The following ETFA variants were observed in gnomAD, a reference collection of about 807,000 sequenced individuals.
The protein encoded by ETFA is electron transfer flavoprotein subunit alpha.
Under a neutral mutation model 46.2 loss-of-function variants are expected in ETFA, and 22 were observed. The observed-to-expected ratio is 0.48, with a 90% CI of 0.34 to 0.68. ETFA has a LOEUF of 0.68. Ranked by LOEUF, ETFA falls within the 30% of genes least tolerant of loss-of-function variation. The pLI, the probability that ETFA is intolerant of heterozygous loss-of-function variation, is 0.01. For synonymous variants in ETFA, 131 were observed against 139.9 expected (o/e 0.94, Z 0.45); for missense variants, 345 against 401.1 (o/e 0.86, Z 1.19).
chr15:76,261,576 C>A, intron 9 of ETFA: 1 of 548,294 alleles, frequency 1.8e-6, no homozygotes. Flanking sequence ...TCAGACCTGC[C>A]TGCAGCTGCG....
At chr15:76,259,728 G>A (rs1293120036) in intron 9 of ETFA, 5 of 1,481,064 alleles carry the variant, frequency 3.4e-6, no homozygotes, top group East Asian at 2.3e-5. Flanking sequence ...TCCCCTGCCA[G>A]CATGCAGTTC....
At chr15:76,240,066 GTTTC>G (rs1181130281) in intron 9 of ETFA, among the ~76,000 whole-genome samples, 5 of 152,184 alleles carry the variant, frequency 3.3e-5, no homozygotes, top group African/African-American at 9.6e-5. Flanking sequence ...TGTTGATGAT[GTTTC>G]TTTCTTTTAA....
chr15:76,264,826 T>C (rs548247848), intron 9 of ETFA, among the ~76,000 whole-genome samples: 3 of 152,330 alleles, frequency 2.0e-5, no homozygotes, highest in South Asian at 4.1e-4. Flanking sequence ...TGTGGGCAAT[T>C]TGGACACACA....
intron 4 of ETFA, among the ~76,000 whole-genome samples, chr15:76,290,333 CTTTTTTT>C (rs10682432): frequency 1.0e-5 from 1 of 97,140 alleles, no homozygotes; most frequent in East Asian, 2.9e-4. Context: ...AGTCGCTACT[CTTTTTTT>C]TTTTTTTTTT....
At chr15:76,217,997 GCAC>G (rs1242556320) in intron 11 of ETFA, among the ~76,000 whole-genome samples, 28 of 152,196 alleles carry the variant, frequency 1.8e-4, no homozygotes, top group Non-Finnish European at 2.8e-4. Flanking sequence ...TTAAGTGCTG[GCAC>G]CACTTCTCCC....
intron 11 of ETFA, 146 bp from the exon 12 acceptor site, chr15:76,216,743 C>T (rs1342371201): frequency 6.1e-6 from 4 of 654,720 alleles, no homozygotes; most frequent in Non-Finnish European, 1.1e-5. Flanking sequence ...CCAGGAACCC[C>T]CTGTTCTCCG....
chr15:76,284,127 T>C (rs1039817140), intron 7 of ETFA, among the ~76,000 whole-genome samples: 1 of 152,244 alleles, frequency 6.6e-6, no homozygotes, highest in Non-Finnish European at 1.5e-5. Flanking sequence ...CTGCAATATT[T>C]AGCAAAACTC....
chr15:76,235,385 T>G (rs2039112873), intron 9 of ETFA, among the ~76,000 whole-genome samples: 1 of 152,182 alleles, frequency 6.6e-6, no homozygotes, highest in Non-Finnish European at 1.5e-5. Flanking sequence ...GCCCTGCATT[T>G]TTATTACAAT....
intron 7 of ETFA, chr15:76,284,575 C>G (rs2039688180): frequency 6.1e-6 from 1 of 165,042 alleles, no homozygotes; most frequent in Admixed American, 6.4e-5. Flanking sequence ...ACTGCAACCT[C>G]TGCCTCCCAG....
At chr15:76,257,036 A>G (rs982545374) in intron 9 of ETFA, among the ~76,000 whole-genome samples, 3 of 152,102 alleles carry the variant, frequency 2.0e-5, no homozygotes, top group Non-Finnish European at 4.4e-5. Context: ...ATATATCCCT[A>G]TTGTTAAGTG....
intron 9 of ETFA, 63 bp from the exon 10 acceptor site, chr15:76,231,461 T>C: frequency 9.3e-7 from 1 of 1,075,026 alleles, no homozygotes; most frequent in Non-Finnish European, 1.4e-6. Context: ...TCCAAAGTGT[T>C]TGCTGTTAGC....
intron 1 of ETFA, among the ~76,000 whole-genome samples, chr15:76,308,454 G>A (rs1340609512): frequency 6.6e-6 from 1 of 152,194 alleles, no homozygotes; most frequent in Non-Finnish European, 1.5e-5. Context: ...CTGCTAATAT[G>A]ATGCACGGGG....
intron 9 of ETFA, among the ~76,000 whole-genome samples, chr15:76,251,215 T>C (rs750488871): frequency 1.3e-5 from 2 of 152,082 alleles, no homozygotes; most frequent in East Asian, 3.9e-4. Context: ...ATGGGGTAAC[T>C]AATGGAACAC....
chr15:76,219,820 CAG>C (rs1177453045), intron 11 of ETFA, among the ~76,000 whole-genome samples: 6 of 152,166 alleles, frequency 3.9e-5, no homozygotes, highest in Non-Finnish European at 8.8e-5. Flanking sequence ...AATTAAAAAA[CAG>C]AAAATAACAA....
chr15:76,289,987 T>C (rs2039743336), intron 4 of ETFA, among the ~76,000 whole-genome samples: 1 of 152,092 alleles, frequency 6.6e-6, no homozygotes, highest in African/African-American at 2.4e-5. Flanking sequence ...ATTTAAATCA[T>C]CCAATATATA....
intron 7 of ETFA, chr15:76,284,433 T>TG (rs1478291240): frequency 9.7e-6 from 2 of 207,122 alleles, no homozygotes; most frequent in Non-Finnish European, 1.9e-5. Context: ...GAGACCAGCC[T>TG]GACCAACATG....
intron 9 of ETFA, chr15:76,260,650 C>T (rs1396431080): frequency 1.3e-6 from 2 of 1,558,226 alleles, no homozygotes; most frequent in Non-Finnish European, 1.8e-6. Flanking sequence ...CCCAGGGGGC[C>T]TTCCAAAGGG....
chr15:76,259,174 T>C (rs878962432), intron 9 of ETFA: 2 of 1,515,314 alleles, frequency 1.3e-6, no homozygotes, highest in Non-Finnish European at 9.2e-7. Flanking sequence ...CCAGATCCAC[T>C]GTAGGGCTGA....
rs1007177094 is a variant in ETFA at position 76,216,492 on chromosome 15, C to T, written c.*67G>A. 26 of 939,650 alleles carry T rather than the reference C, an allele frequency of 2.8e-5. No individual in the cohort carries two copies. The highest frequency in any genetic ancestry group is 2.4e-4 in the Admixed American group (14 of 57,266). 58.2% of individuals were successfully genotyped at this position (939,650 alleles called of 1,614,324 possible). On this transcript the variant is annotated 3_prime_UTR_variant, in exon 12 of 12. Coordinates refer to ENST00000557943, the MANE Select transcript of ETFA (RefSeq NM_000126.4). ...TGCTTTCCAATGATTGTTATAATAC[C>T]CACAAATATCTGTGATTTCAGTGGA...
Sources: gnomAD v4.1 joint callset for allele counts (sites outside exome capture counted in the v4.1 genomes callset) on GRCh38, gnomAD v4.1.1 for gene constraint, MANE v1.5 for transcripts, NCBI Gene and HGNC (gene_info 2026-07-23, HGNC 2026-07-21) for gene names.